Variants in ADAMTSL4 observed in about 807,000 individuals in gnomAD.
The protein encoded by ADAMTSL4 is ADAMTS-like protein 4.
Under a neutral mutation model 122.8 loss-of-function variants are expected in ADAMTSL4, and 97 were observed. The observed-to-expected ratio is 0.79, with a 90% CI of 0.67 to 0.93. The LOEUF is 0.93. Ranked by LOEUF, ADAMTSL4 falls within the 40% of genes least tolerant of loss-of-function variation. The probability of loss-of-function intolerance (pLI) is 0.00; values close to 1 mark genes in which losing one functional copy is unlikely to be tolerated. For missense variants in ADAMTSL4, 1,408 were observed against 1,453.5 expected (o/e 0.97, Z 0.51); for synonymous variants, 592 against 568.0 (o/e 1.04, Z -0.60).
Position 150,556,831 on chromosome 1 carries a change from G to GGA in ADAMTSL4, c.1749+40_1749+41dup. 1 of 1,516,680 alleles carries GGA rather than the reference G, an allele frequency of 6.6e-7. No individual in the cohort carries two copies. The allele number at this position is 1,516,680 out of a possible 1,614,324, so 94.0% of individuals were successfully genotyped here. On this transcript the variant is annotated intron_variant, in intron 10 of 18. Transcript: ENST00000271643. This position sits in a 1 kb window ranked among gnomAD's most constrained non-coding sequence, Gnocchi z 4.1. ...CCAGGGGCAGCTGAATGCTGGGGAG[G>GGA]GAGGCTGTTCCCTCTGGGCAGAGCT...
At chr1:150,555,677 GCA>G in intron 8 of ADAMTSL4, 112 bp downstream of exon 8, 1 of 1,475,790 alleles carries the variant, frequency 6.8e-7, no homozygotes, top group East Asian at 2.4e-5. Flanking sequence ...ACACATGCAA[GCA>G]CATACACACA....
chr1:150,559,542 C>A lies in ADAMTSL4; in HGVS notation c.2943+76C>A, dbSNP rs1025431140. The A allele has an allele frequency of 1.3e-6, 2 of 1,594,360 alleles. No homozygotes were observed. Among genetic ancestry groups the A allele is most frequent in the African/African-American group, 2.7e-5 (2 of 74,596 alleles). ...GAGGGGAGCTCCTCTCGCTGTACCC[C>A]CTCCAGGTCTCTCTGTGCCCCAGAA... is the stretch of plus-strand genomic sequence containing the variant. On this transcript the variant is annotated intron_variant, in intron 17 of 18. Transcript: ENST00000271643. This position sits in a 1 kb window ranked among gnomAD's most constrained non-coding sequence, Gnocchi z 4.1.
chr1:150,557,806 A>T, intron 13 of ADAMTSL4, 139 bp from the exon 14 acceptor site: 1 of 1,333,190 alleles, frequency 7.5e-7, no homozygotes, highest in Admixed American at 2.2e-5. Context: ...CCCCCCAGGA[A>T]CCCAGACTCC....
In ADAMTSL4 at chr1:150,552,331, G is replaced by A. The variant is rs200129240; in HGVS notation, c.20+23G>A. ...CAGGTGAGAGAAGGGGCCACGGGTTGGGGGGGAGGAAAAGGGGAGGTGCTG... is the reference window on the plus strand; with the variant it reads ...CAGGTGAGAGAAGGGGCCACGGGTTAGGGGGGAGGAAAAGGGGAGGTGCTG... On this transcript the variant is annotated intron_variant, in intron 3 of 18. Transcript: ENST00000271643. The surrounding 1 kb of genome is among the most constrained non-coding windows in gnomAD (Gnocchi z 4.0). 5 of 1,552,512 alleles carry A rather than the reference G, an allele frequency of 3.2e-6. No homozygotes were observed. The African/African-American group carries it at 5.5e-5, about 17-fold the overall frequency.
At position 150,552,046 on chromosome 1, in the gene ADAMTSL4, T is replaced by C. The variant is rs1263539251; in HGVS notation, c.-84-159T>C. On this transcript the variant is annotated intron_variant, in intron 2 of 18. Coordinates refer to ENST00000271643, the MANE Select transcript of ADAMTSL4 (RefSeq NM_019032.6). This position sits in a 1 kb window ranked among gnomAD's most constrained non-coding sequence, Gnocchi z 4.0. ...GAGGTCAGCCCCTGACCATGTAGCC[T>C]CTACAGATGGACAAGGCAGTGATCC... The C allele has an allele frequency of 1.7e-6, 1 of 579,118 alleles. No individual in the cohort carries two copies. Among genetic ancestry groups the C allele is most frequent in the Admixed American group, 3.1e-5 (1 of 32,492 alleles). 35.9% of individuals were successfully genotyped at this position (579,118 alleles called of 1,614,324 possible).
rs1165674714 is a variant in ADAMTSL4, at chr1:150,555,953, C to T, written c.1372-209C>T. 27 of 627,756 alleles carry T rather than the reference C, an allele frequency of 4.3e-5. No homozygotes were observed. The East Asian group carries it at 6.6e-4, about 15-fold the overall frequency. The allele number at this position is 627,756 out of a possible 1,614,324, so 38.9% of individuals were successfully genotyped here. On this transcript the variant is annotated intron_variant, in intron 8 of 18. Transcript: ENST00000271643. ...TGAGATCACTGAGGGAGAATTCTCACCTGCCAAGCTGCGCTGAGCAGAGCC... is the reference window on the plus strand; with the variant it reads ...TGAGATCACTGAGGGAGAATTCTCATCTGCCAAGCTGCGCTGAGCAGAGCC...
In ADAMTSL4 at chr1:150,552,876, T is replaced by C; in HGVS notation, c.79-22T>C. ...GTTCCCTCTAATCCTTCCAATTCTG[T>C]CTGACCTTTTTCTCTATATAGGTGT... On this transcript the variant is annotated intron_variant, in intron 4 of 18. Coordinates refer to ENST00000271643, the MANE Select transcript of ADAMTSL4 (RefSeq NM_019032.6). The surrounding 1 kb of genome is among the most constrained non-coding windows in gnomAD (Gnocchi z 4.0). The C allele has an allele frequency of 6.2e-7, 1 of 1,606,720 alleles. No homozygotes were observed. Among genetic ancestry groups the C allele is most frequent in the Non-Finnish European group, 8.5e-7 (1 of 1,176,544 alleles).
Position 150,560,552 on chromosome 1 carries a change from G to C in ADAMTSL4, c.*356G>C, listed in dbSNP as rs979706736. 1.2e-5 allele frequency: 4 copies of C among 336,452 alleles called. No individual in the cohort carries two copies. The highest frequency in any genetic ancestry group is 8.4e-5 in the African/African-American group (4 of 47,766). 20.8% of individuals were successfully genotyped at this position (336,452 alleles called of 1,614,324 possible). ...AAGGAAAGCAAGTCTGCAGTTCCTTGCTAATCTGAGCTACTTAGAGTGTGG... is the reference window on the plus strand; with the variant it reads ...AAGGAAAGCAAGTCTGCAGTTCCTTCCTAATCTGAGCTACTTAGAGTGTGG... On this transcript the variant is annotated 3_prime_UTR_variant, in exon 19 of 19. Transcript: ENST00000271643.
chr1:150,555,610 CACAG>C (rs1671956316), intron 8 of ADAMTSL4, 45 bp downstream of exon 8: 1 of 1,451,810 alleles, frequency 6.9e-7, no homozygotes, highest in Non-Finnish European at 9.3e-7. Context: ...TGCATATGCA[CACAG>C]ACACATGCCC....
chr1:150,554,138 C>T lies in ADAMTSL4; in HGVS notation c.1131+16C>T, dbSNP rs1481753053. The T allele has an allele frequency of 6.3e-7, 1 of 1,597,852 alleles. No individual in the cohort carries two copies. The highest frequency in any genetic ancestry group is 1.1e-5 in the South Asian group (1 of 90,962). On this transcript the variant is annotated intron_variant, in intron 6 of 18. Coordinates refer to ENST00000271643, the MANE Select transcript of ADAMTSL4 (RefSeq NM_019032.6). The surrounding 1 kb of genome is among the most constrained non-coding windows in gnomAD (Gnocchi z 4.0). ...CAGCCAAGCGGTGAGTCTCCTCGGG[C>T]CTCCCCTCCCAACCCCGACCTCCAG...
At chr1:150,558,395 G>T (rs998882637) in intron 14 of ADAMTSL4, 78 bp from the exon 15 acceptor site, 27 of 1,599,688 alleles carry the variant, frequency 1.7e-5, no homozygotes, top group Non-Finnish European at 6.0e-6. Context: ...GGCAGAGCCT[G>T]GTTCTGAAGC....
At chr1:150,555,649 A>G (rs1382884598) in intron 8 of ADAMTSL4, 84 bp downstream of exon 8, 2 of 1,576,290 alleles carry the variant, frequency 1.3e-6, no homozygotes, top group South Asian at 2.3e-5. Flanking sequence ...ATGTACACAC[A>G]TATGTATGAA....
At chr1:150,550,958 T>C (rs1671347044) in intron 2 of ADAMTSL4, 1 of 456,172 alleles carries the variant, frequency 2.2e-6, no homozygotes, top group Middle Eastern at 3.3e-4. Context: ...CCTGGATTCC[T>C]CTCCCGGGTG....
At position 150,559,964 on chromosome 1, in the gene ADAMTSL4, G is replaced by C; in HGVS notation, c.3088+59G>C. On this transcript the variant is annotated intron_variant, in intron 18 of 18. Coordinates refer to ENST00000271643, the MANE Select transcript of ADAMTSL4 (RefSeq NM_019032.6). The surrounding 1 kb of genome is among the most constrained non-coding windows in gnomAD (Gnocchi z 4.1). Reference sequence around the variant, plus strand: ...GTGGATTAGCTGAAGTATGGGAGGAGATGAGAAAGGACCAGTGGGAATGGG... The same window carrying C: ...GTGGATTAGCTGAAGTATGGGAGGACATGAGAAAGGACCAGTGGGAATGGG... 6.2e-7 allele frequency: 1 copy of C among 1,613,784 alleles called. No homozygotes were observed. The highest frequency in any genetic ancestry group is 8.5e-7 in the Non-Finnish European group (1 of 1,180,012).
In ADAMTSL4 at chr1:150,553,996, G is replaced by C; in HGVS notation, c.1005G>C (p.Pro335=). The change falls in exon 6 of 19, where the codon CCG becomes CCC. Residue 335 remains proline (P), a synonymous_variant. Transcript: ENST00000271643. ...GCCTGGAGCCTGACCCTCAGCACCC[G>C]GGCGCCTGGCTGCCCCTGCTGAGCA... ...GPRLEPDPQH[P]GAWLPLLSNG... 1 of 1,611,736 alleles carries C rather than the reference G, an allele frequency of 6.2e-7. No homozygotes were observed. Among genetic ancestry groups the C allele is most frequent in the African/African-American group, 1.3e-5 (1 of 75,020 alleles).
intron 2 of ADAMTSL4, chr1:150,550,738 G>A: frequency 2.2e-6 from 1 of 456,376 alleles, no homozygotes; most frequent in Non-Finnish European, 4.4e-6. Flanking sequence ...GGCCCAGCCA[G>A]GGGAAGGAGT....
rs770157227 is a variant in ADAMTSL4 at position 150,559,384 on chromosome 1, C to A, written c.2861C>A (p.Ser954Tyr). 6.2e-7 allele frequency: 1 copy of A among 1,613,736 alleles called. No individual in the cohort carries two copies. The highest frequency in any genetic ancestry group is 8.5e-7 in the Non-Finnish European group (1 of 1,180,034). Residue 954 changes from serine (S) to tyrosine (Y), a missense_variant, in exon 17 of 19, where the codon TCT becomes TAT. Coordinates refer to ENST00000271643, the MANE Select transcript of ADAMTSL4 (RefSeq NM_019032.6). The surrounding 1 kb of genome is among the most constrained non-coding windows in gnomAD (Gnocchi z 4.1). Reference sequence around the variant, plus strand: ...AACGTGACTTCTCCGAGCAACTGTTCTCACCTCCCCAGGCCCCCTGCCCTG... The same window carrying A: ...AACGTGACTTCTCCGAGCAACTGTTATCACCTCCCCAGGCCCCCTGCCCTG... ...EFNVTSPSNC[S>Y]HLPRPPALQP...
Position 150,553,055 on chromosome 1 carries a change from AC to A in ADAMTSL4, c.239del (p.Pro80ArgfsTer53), listed in dbSNP as rs794726689. 10 of 1,612,880 alleles carry A rather than the reference AC, an allele frequency of 6.2e-6. No individual in the cohort carries two copies. The highest frequency in any genetic ancestry group is 8.5e-6 in the Non-Finnish European group (10 of 1,179,756). On this transcript the variant is annotated frameshift_variant, in exon 5 of 19. Transcript: ENST00000271643. LOFTEE classifies it high-confidence loss of function. ...RTCQLPTVQL[H>X]PSLPLPPRPP... ...TGTCAGCTCCCTACAGTGCAGCTCC[AC>A]CCGAGTCTGCCCCTCCCTCCCCGGC...
Position 150,559,947 on chromosome 1 carries a change from G to C in ADAMTSL4, c.3088+42G>C. The C allele has an allele frequency of 6.2e-7, 1 of 1,613,752 alleles. No individual in the cohort carries two copies. The highest frequency in any genetic ancestry group is 8.5e-7 in the Non-Finnish European group (1 of 1,180,018). ...CCCCAATCCCCAATACAGTGGATTA[G>C]CTGAAGTATGGGAGGAGATGAGAAA... On this transcript the variant is annotated intron_variant, in intron 18 of 18. Transcript: ENST00000271643. This position sits in a 1 kb window ranked among gnomAD's most constrained non-coding sequence, Gnocchi z 4.1.
Sources: allele counts gnomAD v4.1 joint callset, GRCh38; gene constraint gnomAD v4.1.1; non-coding constraint Gnocchi (gnomAD v3.1); transcripts MANE v1.5; gene names NCBI Gene and HGNC (gene_info 2026-07-23, HGNC 2026-07-21).